The following JADE3 variants were observed in gnomAD, a reference collection of about 807,000 sequenced individuals.
JADE3 encodes the protein jade family PHD finger 3, also known as protein Jade-3.
A neutral mutation model predicts 50.1 loss-of-function variants in JADE3; 2 were observed. The observed-to-expected ratio is 0.04, with a 90% CI of 0.02 to 0.13. JADE3 has a LOEUF of 0.13. JADE3 is among the 10% of genes least tolerant of loss of function. JADE3 has a pLI of 1.00. For synonymous variants in JADE3, 218 were observed against 232.9 expected (o/e 0.94, Z 0.58); for missense variants, 475 against 634.4 (o/e 0.75, Z 2.70).
rs574959143 is a variant in JADE3, at chrX:47,000,947, T to C, written c.284+2670T>C. Among the ~76,000 whole-genome samples, 23 of 112,151 alleles carry C rather than the reference T, an allele frequency of 2.1e-4. No individual in the cohort carries two copies. In the South Asian group the frequency reaches 8.1e-3, roughly 40 times the overall value. ...TTCATGTGTGGCTTCAGTGCTCTATTATTTGTTCCGAGGGCTTCACATATT... is the reference window on the plus strand; with the variant it reads ...TTCATGTGTGGCTTCAGTGCTCTATCATTTGTTCCGAGGGCTTCACATATT... On this transcript the variant is annotated intron_variant, in intron 4 of 10. Transcript: ENST00000614628.
At chrX:47,011,109 A>G (rs1411459404) in intron 4 of JADE3, among the ~76,000 whole-genome samples, 1 of 111,871 alleles carries the variant, frequency 8.9e-6, no homozygotes, top group Non-Finnish European at 1.9e-5. Flanking sequence ...GTCTCCAAAT[A>G]AAGTCACATC....
chrX:46,985,228 G>A (rs1927836364), intron 2 of JADE3, among the ~76,000 whole-genome samples: 1 of 111,682 alleles, frequency 9.0e-6, no homozygotes, highest in Non-Finnish European at 1.9e-5. Flanking sequence ...AAAAGTACAA[G>A]AGCATAAATT....
chrX:47,040,829 G>T (rs782053916), intron 8 of JADE3, among the ~76,000 whole-genome samples: 68 of 108,641 alleles, frequency 6.3e-4, no homozygotes, highest in African/African-American at 2.2e-3. Flanking sequence ...CTAGACCTGG[G>T]ATTAGCTATT....
At chrX:46,952,280 A>G (rs781832100) in intron 1 of JADE3, among the ~76,000 whole-genome samples, 2 of 111,999 alleles carry the variant, frequency 1.8e-5, no homozygotes, top group Non-Finnish European at 3.8e-5. Flanking sequence ...ATGTCAATGT[A>G]TTTGTTTCAG....
intron 1 of JADE3, among the ~76,000 whole-genome samples, chrX:46,927,333 G>A (rs961194221): frequency 8.9e-6 from 1 of 112,256 alleles, no homozygotes; most frequent in African/African-American, 3.2e-5. Flanking sequence ...CATCTTTGAT[G>A]AATTAAAATG....
chrX:47,043,498 T>C (rs184984908), intron 8 of JADE3, among the ~76,000 whole-genome samples: 1 of 112,121 alleles, frequency 8.9e-6, no homozygotes, highest in East Asian at 2.8e-4. Flanking sequence ...CAGAATCCCA[T>C]CAGGTAAATT....
intron 1 of JADE3, among the ~76,000 whole-genome samples, chrX:46,980,497 GT>G (rs1927724044): frequency 9.1e-6 from 1 of 110,292 alleles, no homozygotes; most frequent in Non-Finnish European, 1.9e-5. Flanking sequence ...CAGAGCAGAA[GT>G]TTTTTTAAAA....
At position 47,049,251 on chromosome X, in the gene JADE3, G is replaced by T. The variant is rs1478746964; in HGVS notation, c.973-4907G>T. 1.2e-4 allele frequency among the ~76,000 whole-genome samples: 10 copies of T among 85,511 alleles called. No individual in the cohort carries two copies. The Admixed American group carries it at 1.4e-3, about 12-fold the overall frequency. 74.3% of individuals were successfully genotyped at this position (85,511 alleles called of 115,157 possible). A position where few individuals can be genotyped will look rare whatever the true frequency, so the allele number is the denominator to read the frequency against. ...CGCCCAGGCTGGAGTGCAGTGGCGC[G>T]ATCTCGGCTCACTGCAACCTCCACC... On this transcript the variant is annotated intron_variant, in intron 8 of 10. Coordinates refer to ENST00000614628, the MANE Select transcript of JADE3 (RefSeq NM_014735.5).
Position 46,959,460 on chromosome X carries a change from G to A in JADE3, c.-11-25424G>A, listed in dbSNP as rs148118435. On this transcript the variant is annotated intron_variant, in intron 1 of 10. Transcript: ENST00000614628. Reference sequence around the variant, plus strand: ...ACCAGGCACCGTGTTAGGCTCTGTGGTTATCACAGTGAACAACACAGGCAT... The same window carrying A: ...ACCAGGCACCGTGTTAGGCTCTGTGATTATCACAGTGAACAACACAGGCAT... 9.4e-3 allele frequency among the ~76,000 whole-genome samples: 1,052 copies of A among 111,993 alleles called. 8 individuals are homozygous for A. Among genetic ancestry groups the A allele is most frequent in the East Asian group, 0.025 (90 of 3,564 alleles).
chrX:47,016,820 T>C (rs941265933), intron 4 of JADE3, among the ~76,000 whole-genome samples: 2 of 110,697 alleles, frequency 1.8e-5, no homozygotes, highest in East Asian at 5.6e-4. Context: ...ATGCCTGTCT[T>C]GAGTTACTTG....
At chrX:47,052,430 G>A (rs1334951391) in intron 8 of JADE3, among the ~76,000 whole-genome samples, 1 of 107,629 alleles carries the variant, frequency 9.3e-6, no homozygotes, top group Non-Finnish European at 1.9e-5. Context: ...CCAAGCATTC[G>A]AGACCAGGCT....
At chrX:46,952,154 C>T (rs1278525755) in intron 1 of JADE3, among the ~76,000 whole-genome samples, 10 of 112,391 alleles carry the variant, frequency 8.9e-5, no homozygotes, top group Admixed American at 2.8e-4. Flanking sequence ...GTTGTCTTTT[C>T]TCATGTGAGC....
intron 1 of JADE3, among the ~76,000 whole-genome samples, chrX:46,959,135 T>G (rs1156643744): frequency 8.9e-6 from 1 of 111,854 alleles, no homozygotes; most frequent in African/African-American, 3.3e-5. Flanking sequence ...AGAAAGAGGG[T>G]TTACTGGTAA....
chrX:47,031,757 C>T (rs1056718316), intron 6 of JADE3, among the ~76,000 whole-genome samples: 47 of 110,746 alleles, frequency 4.2e-4, no homozygotes, highest in African/African-American at 1.4e-3. Context: ...CCTAGGTACT[C>T]GGGAGGCTAA....
At position 47,001,107 on chromosome X, in the gene JADE3, A is replaced by G. The variant is rs782210096; in HGVS notation, c.284+2830A>G. On this transcript the variant is annotated intron_variant, in intron 4 of 10. Transcript: ENST00000614628. ...ATTATTGATCATATTGAATTCCTTA[A>G]TGAAATCCTTAACTGGTTGCTCTTG... Among the ~76,000 whole-genome samples the G allele has an allele frequency of 3.6e-5, 4 of 112,090 alleles. No homozygotes were observed. The South Asian group carries it at 1.5e-3, about 41-fold the overall frequency.
At chrX:47,015,072 G>T (rs1407779916) in intron 4 of JADE3, among the ~76,000 whole-genome samples, 3 of 112,088 alleles carry the variant, frequency 2.7e-5, no homozygotes, top group African/African-American at 9.7e-5. Flanking sequence ...CCTTAATTCT[G>T]CACTGAAGGT....
intron 1 of JADE3, among the ~76,000 whole-genome samples, chrX:46,959,454 T>G (rs1384905048): frequency 8.9e-6 from 1 of 111,997 alleles, no homozygotes; most frequent in African/African-American, 3.3e-5. Flanking sequence ...CGTGTTAGGC[T>G]CTGTGGTTAT....
In JADE3 at chrX:46,934,038, G is replaced by C. The variant is rs1556340358; in HGVS notation, c.-12+21319G>C. On this transcript the variant is annotated intron_variant, in intron 1 of 10. Coordinates refer to ENST00000614628, the MANE Select transcript of JADE3 (RefSeq NM_014735.5). ...TTTGAGGTTTTTTCCCTAATAGTCT[G>C]GGTAAAAATCCTTTGGTTATTTGAT... is the stretch of plus-strand genomic sequence containing the variant. Among the ~76,000 whole-genome samples the C allele has an allele frequency of 2.7e-5, 3 of 111,865 alleles. No individual in the cohort carries two copies. The Admixed American group carries it at 2.8e-4, about 11-fold the overall frequency.
intron 1 of JADE3, among the ~76,000 whole-genome samples, chrX:46,931,327 T>C (rs782611440): frequency 4.4e-5 from 5 of 112,596 alleles, no homozygotes; most frequent in East Asian, 2.8e-4. Context: ...TGCCTGGAAC[T>C]TTTTAATATA....
Sources: allele counts gnomAD v4.1 joint callset (sites outside exome capture counted in the v4.1 genomes callset), GRCh38; gene constraint gnomAD v4.1.1; transcripts MANE v1.5; gene names NCBI Gene and HGNC (gene_info 2026-07-23, HGNC 2026-07-21).